Variants in SPIDR observed in about 807,000 individuals in gnomAD.
SPIDR encodes the protein DNA repair-scaffolding protein.
SPIDR carries 93 observed loss-of-function variants against 104.6 expected under a neutral mutation model. That is an observed-to-expected ratio of 0.89 (90% confidence interval 0.75 to 1.06). The LOEUF is 1.06. Among genes scored for constraint, SPIDR ranks in the 50% least tolerant of loss-of-function variants. The pLI, the probability that SPIDR is intolerant of heterozygous loss-of-function variation, is 0.00. For missense variants in SPIDR, 1,154 were observed against 1,111.2 expected (o/e 1.04, Z -0.55); for synonymous variants, 431 against 416.9 (o/e 1.03, Z -0.41).
intron 8 of SPIDR, among the ~76,000 whole-genome samples, chr8:47,552,902 T>C (rs1419107663): frequency 6.6e-6 from 1 of 152,202 alleles, no homozygotes; most frequent in Non-Finnish European, 1.5e-5. Context: ...CTGGTACCAG[T>C]TGTTCCTTTC....
intron 8 of SPIDR, among the ~76,000 whole-genome samples, chr8:47,543,849 C>CA (rs1319801418): frequency 2.6e-5 from 4 of 152,126 alleles, no homozygotes; most frequent in African/African-American, 9.7e-5. Context: ...GGTGGGCTGT[C>CA]ACATCAAAAC....
chr8:47,672,288 A>G (rs1217198050), intron 10 of SPIDR, among the ~76,000 whole-genome samples: 4 of 152,076 alleles, frequency 2.6e-5, no homozygotes, highest in Admixed American at 2.6e-4. Flanking sequence ...TTCTTCCTGT[A>G]TCTTAAATCA....
At chr8:47,512,059 G>A (rs968840138) in intron 8 of SPIDR, 9 of 654,436 alleles carry the variant, frequency 1.4e-5, no homozygotes, top group South Asian at 3.2e-5. Context: ...CCAGGTAGCC[G>A]ACTCGAGGAA....
At chr8:47,362,775 G>A (rs1315822445) in intron 5 of SPIDR, among the ~76,000 whole-genome samples, 2 of 151,884 alleles carry the variant, frequency 1.3e-5, no homozygotes, top group Admixed American at 6.6e-5. Context: ...TCAGCCTCCC[G>A]AGTAGCTGGG....
intron 5 of SPIDR, among the ~76,000 whole-genome samples, chr8:47,354,632 T>C (rs996444627): frequency 9.2e-5 from 14 of 152,132 alleles, no homozygotes; most frequent in African/African-American, 2.7e-4. Context: ...TTTTCATTTA[T>C]TTATTTTAAA....
At chr8:47,353,257 C>T (rs1468980836) in intron 5 of SPIDR, among the ~76,000 whole-genome samples, 4 of 152,066 alleles carry the variant, frequency 2.6e-5, no homozygotes, top group Non-Finnish European at 4.4e-5. Context: ...ATTTTACTTA[C>T]CTTCTCATTT....
At chr8:47,710,250 TTTGA>T (rs1265552956) in intron 14 of SPIDR, among the ~76,000 whole-genome samples, 4 of 152,162 alleles carry the variant, frequency 2.6e-5, no homozygotes, top group Non-Finnish European at 5.9e-5. Context: ...TTACAGTTGA[TTTGA>T]TTGTTACTGA....
At chr8:47,510,645 A>G (rs2082176812) in intron 8 of SPIDR, among the ~76,000 whole-genome samples, 1 of 152,222 alleles carries the variant, frequency 6.6e-6, no homozygotes, top group South Asian at 2.1e-4. Context: ...CAGTTAACAA[A>G]TATACTTGTT....
chr8:47,389,433 T>G (rs2060311041), intron 5 of SPIDR, among the ~76,000 whole-genome samples: 1 of 152,126 alleles, frequency 6.6e-6, no homozygotes, highest in African/African-American at 2.4e-5. Flanking sequence ...CTCACACCTG[T>G]AATCCCAGCA....
chr8:47,703,623 T>G (rs1490004514), intron 14 of SPIDR, among the ~76,000 whole-genome samples: 4 of 152,220 alleles, frequency 2.6e-5, no homozygotes, highest in African/African-American at 4.8e-5. Context: ...CACCAAAATT[T>G]GAATTTAACT....
At position 47,276,087 on chromosome 8, in the gene SPIDR, C is replaced by T. The variant is rs1010968972; in HGVS notation, c.34-3775C>T. 3.9e-5 allele frequency among the ~76,000 whole-genome samples: 6 copies of T among 152,092 alleles called. No individual in the cohort carries two copies. In the East Asian group the frequency reaches 7.7e-4, roughly 19 times the overall value. ...TGTTCCCCAGGCTGGTCTCAAACTC[C>T]GGGGCTCAAGTGATCTGCCTGCGTT... On this transcript the variant is annotated intron_variant, in intron 1 of 19. Coordinates refer to ENST00000297423, the MANE Select transcript of SPIDR (RefSeq NM_001080394.4).
chr8:47,401,896 C>T (rs1483858113), intron 6 of SPIDR, among the ~76,000 whole-genome samples: 1 of 152,152 alleles, frequency 6.6e-6, no homozygotes, highest in Non-Finnish European at 1.5e-5. Flanking sequence ...GAGACTTGTA[C>T]ACCCCACTGT....
At chr8:47,264,251 G>C (rs1554544901) in intron 1 of SPIDR, among the ~76,000 whole-genome samples, 1 of 152,178 alleles carries the variant, frequency 6.6e-6, no homozygotes, top group African/African-American at 2.4e-5. Context: ...AATGGAAGGT[G>C]AGATTTAGGC....
intron 5 of SPIDR, among the ~76,000 whole-genome samples, chr8:47,387,430 G>A (rs1224749100): frequency 6.6e-6 from 1 of 152,200 alleles, no homozygotes; most frequent in Non-Finnish European, 1.5e-5. Flanking sequence ...AGTGGAGCAA[G>A]AGACCAGCTA....
Position 47,591,893 on chromosome 8 carries a change from G to A in SPIDR, c.1098-3918G>A, listed in dbSNP as rs184222841. On this transcript the variant is annotated intron_variant, in intron 8 of 19. Coordinates refer to ENST00000297423, the MANE Select transcript of SPIDR (RefSeq NM_001080394.4). ...GGATGGGGGAAGTAAATAGAAACGG[G>A]GCGGGGGGGCACTGCTTTTAAACGT... Among the ~76,000 whole-genome samples, 9 of 152,166 alleles carry A rather than the reference G, an allele frequency of 5.9e-5. No homozygotes were observed. In the East Asian group the frequency reaches 9.7e-4, roughly 16 times the overall value.
intron 8 of SPIDR, among the ~76,000 whole-genome samples, chr8:47,471,029 C>T (rs944387681): frequency 2.6e-5 from 4 of 152,084 alleles, no homozygotes; most frequent in African/African-American, 4.8e-5. Flanking sequence ...CCACCATGCC[C>T]GGCCGACTGA....
intron 8 of SPIDR, among the ~76,000 whole-genome samples, chr8:47,512,754 T>C (rs2082543723): frequency 6.6e-6 from 1 of 152,200 alleles, no homozygotes; most frequent in Non-Finnish European, 1.5e-5. Flanking sequence ...AAAAGGACAG[T>C]TTATAATCAA....
chr8:47,282,211 A>G (rs2037930118), intron 2 of SPIDR, among the ~76,000 whole-genome samples: 1 of 152,236 alleles, frequency 6.6e-6, no homozygotes, highest in African/African-American at 2.4e-5. Flanking sequence ...TAAGGGCGCT[A>G]GGATTTTCAG....
At chr8:47,506,808 A>C (rs1001507679) in intron 8 of SPIDR, among the ~76,000 whole-genome samples, 2 of 152,174 alleles carry the variant, frequency 1.3e-5, no homozygotes, top group Non-Finnish European at 2.9e-5. Context: ...GTATCCTGTC[A>C]TGATAGAAGG....
Sources: gnomAD v4.1 joint callset for allele counts (sites outside exome capture counted in the v4.1 genomes callset) on GRCh38, gnomAD v4.1.1 for gene constraint, MANE v1.5 for transcripts, NCBI Gene and HGNC (gene_info 2026-07-23, HGNC 2026-07-21) for gene names.